The following ANKRD30BL variants were observed in gnomAD, a reference collection of about 807,000 sequenced individuals.
ANKRD30BL encodes putative ankyrin repeat domain-containing protein 30B-like.
In ANKRD30BL, 20 loss-of-function variants were observed where a neutral mutation model predicts 18.4. That is an observed-to-expected ratio of 1.09 (90% CI 0.77 to 1.58). The LOEUF (loss-of-function observed/expected upper bound fraction) is 1.58. Among genes scored for constraint, ANKRD30BL ranks in the 40% most tolerant of loss-of-function variants. The pLI is 0.00. For synonymous variants in ANKRD30BL, 72 were observed against 100.9 expected, an observed-to-expected ratio of 0.71 and a Z score of 1.72; for missense variants, 224 against 268.6, an observed-to-expected ratio of 0.83 and a Z score of 1.16.
chr2:132,227,091 T>C (rs1218176380), intron 1 of ANKRD30BL, among the ~76,000 whole-genome samples: 1 of 152,184 alleles, frequency 6.6e-6, no homozygotes. Flanking sequence ...ATGTTTGCAT[T>C]CTACTCACAG....
chr2:132,209,524 A>C lies in ANKRD30BL; in HGVS notation n.441+48005T>G, dbSNP rs535260845. Among the ~76,000 whole-genome samples the C allele has an allele frequency of 6.9e-4, 105 of 152,114 alleles. 1 individual carries two copies. The highest frequency in any genetic ancestry group is 2.4e-3 in the African/African-American group (98 of 41,504). On this transcript the variant is annotated intron_variant and non_coding_transcript_variant, in intron 1 of 4. Transcript: ENST00000470729. ...GGAAAAGGAAACATCTGCACATAAA[A>C]ACTACACAAATGCCTTCTGAGAAAC...
At chr2:132,200,851 A>C (rs922949345) in intron 1 of ANKRD30BL, among the ~76,000 whole-genome samples, 4 of 152,236 alleles carry the variant, frequency 2.6e-5, no homozygotes, top group Admixed American at 6.5e-5. Flanking sequence ...ATCCTAAGCC[A>C]AAAGAACAAA....
intron 5 of ANKRD30BL, 87 bp from the exon 6 acceptor site, chr2:132,148,315 T>A: frequency 1.9e-6 from 2 of 1,033,126 alleles, no homozygotes; most frequent in South Asian, 3.0e-5. Context: ...CTCATTCAGC[T>A]TGCTTTCCTT....
chr2:132,204,594 G>A (rs62161727), intron 1 of ANKRD30BL, among the ~76,000 whole-genome samples: 1 of 151,962 alleles, frequency 6.6e-6, no homozygotes, highest in African/African-American at 2.4e-5. Flanking sequence ...TATTCCAGCA[G>A]TACAGGCATG....
chr2:132,169,158 A>T (rs975979685), intron 1 of ANKRD30BL, among the ~76,000 whole-genome samples: 3 of 152,186 alleles, frequency 2.0e-5, no homozygotes, highest in Non-Finnish European at 4.4e-5. Flanking sequence ...AAAAATAAGA[A>T]TTTTTTAGAT....
chr2:132,251,569 T>A (rs970818802), intron 1 of ANKRD30BL, among the ~76,000 whole-genome samples: 43 of 152,318 alleles, frequency 2.8e-4, no homozygotes, highest in African/African-American at 9.9e-4. Flanking sequence ...ACATCGTATT[T>A]TTAAAGGGAA....
At chr2:132,149,647 A>G (rs1398293768) in intron 5 of ANKRD30BL, among the ~76,000 whole-genome samples, 4 of 152,172 alleles carry the variant, frequency 2.6e-5, no homozygotes, top group Non-Finnish European at 5.9e-5. Flanking sequence ...TTACTTTTTT[A>G]GTGACAAAAG....
intron 1 of ANKRD30BL, among the ~76,000 whole-genome samples, chr2:132,229,128 T>C (rs1344041431): frequency 3.3e-5 from 5 of 152,052 alleles, no homozygotes; most frequent in Admixed American, 2.6e-4. Flanking sequence ...AAAAAGTACA[T>C]AGAAGAATTC....
intron 1 of ANKRD30BL, among the ~76,000 whole-genome samples, chr2:132,200,807 A>G (rs985069136): frequency 1.3e-5 from 2 of 152,152 alleles, no homozygotes; most frequent in African/African-American, 4.8e-5. Context: ...TAAAGTTCAT[A>G]TGGAACCAAA....
At chr2:132,219,712 A>G (rs1679616049) in intron 1 of ANKRD30BL, among the ~76,000 whole-genome samples, 1 of 152,188 alleles carries the variant, frequency 6.6e-6, no homozygotes, top group Non-Finnish European at 1.5e-5. Flanking sequence ...GTTTGTATTC[A>G]ACTGACAGAG....
intron 1 of ANKRD30BL, among the ~76,000 whole-genome samples, chr2:132,226,264 G>C (rs1679841364): frequency 6.6e-6 from 1 of 151,372 alleles, no homozygotes; most frequent in East Asian, 1.9e-4. Flanking sequence ...CCTTTCTTTT[G>C]ATAGAACAGG....
chr2:132,218,987 A>C (rs530342669), intron 1 of ANKRD30BL, among the ~76,000 whole-genome samples: 14 of 152,272 alleles, frequency 9.2e-5, no homozygotes, highest in African/African-American at 3.4e-4. Flanking sequence ...CATAAACACC[A>C]GACAGAAGCA....
At chr2:132,219,177 A>G (rs201064309) in intron 1 of ANKRD30BL, among the ~76,000 whole-genome samples, 1 of 151,942 alleles carries the variant, frequency 6.6e-6, no homozygotes, top group African/African-American at 2.4e-5. Flanking sequence ...ATTCTCAGAA[A>G]CTTCTTTGTG....
intron 1 of ANKRD30BL, among the ~76,000 whole-genome samples, chr2:132,206,389 G>C (rs1214020668): frequency 6.6e-6 from 1 of 152,142 alleles, no homozygotes; most frequent in Non-Finnish European, 1.5e-5. Flanking sequence ...TAGTTGCTAA[G>C]TGTGTGTTGT....
intron 1 of ANKRD30BL, among the ~76,000 whole-genome samples, chr2:132,161,206 C>G (rs1688047301): frequency 6.6e-6 from 1 of 151,898 alleles, no homozygotes; most frequent in Non-Finnish European, 1.5e-5. Flanking sequence ...CTACACAGTG[C>G]TCTGTGAGAG....
intron 1 of ANKRD30BL, among the ~76,000 whole-genome samples, chr2:132,201,384 G>A (rs558884777): frequency 3.7e-4 from 57 of 152,020 alleles, no homozygotes; most frequent in Admixed American, 1.6e-3. Context: ...GAAAATTTTC[G>A]CAACCTACTC....
At chr2:132,214,576 T>C (rs1679441061) in intron 1 of ANKRD30BL, among the ~76,000 whole-genome samples, 1 of 151,996 alleles carries the variant, frequency 6.6e-6, no homozygotes, top group Non-Finnish European at 1.5e-5. Context: ...AGTTGAACCT[T>C]CCTTTTGATT....
intron 1 of ANKRD30BL, among the ~76,000 whole-genome samples, chr2:132,249,505 C>T (rs77101798): frequency 6.6e-6 from 1 of 152,146 alleles, no homozygotes; most frequent in East Asian, 1.9e-4. Flanking sequence ...AAAGTGCTCA[C>T]AAATATCCCT....
chr2:132,250,174 A>G (rs112853794), intron 1 of ANKRD30BL, among the ~76,000 whole-genome samples: 1 of 152,208 alleles, frequency 6.6e-6, no homozygotes, highest in African/African-American at 2.4e-5. Flanking sequence ...CTTTTTCACC[A>G]TAGACCTCAA....
Sources: allele counts gnomAD v4.1 joint callset (sites outside exome capture counted in the v4.1 genomes callset), GRCh38; gene constraint gnomAD v4.1.1; transcripts MANE v1.5; gene names NCBI Gene and HGNC (gene_info 2026-07-23, HGNC 2026-07-21).